Variants in PCDHGB5 observed in about 807,000 individuals in gnomAD.
PCDHGB5 encodes the protein protocadherin gamma subfamily B, 5.
Under a neutral mutation model 62.9 loss-of-function variants are expected in PCDHGB5, and 48 were observed. That is an observed-to-expected ratio of 0.76 (90% CI 0.61 to 0.97). PCDHGB5 has a LOEUF of 0.97. Ranked by LOEUF, PCDHGB5 falls within the 50% of genes least tolerant of loss-of-function variation. The pLI, the probability that PCDHGB5 is intolerant of heterozygous loss-of-function variation, is 0.00. For synonymous variants in PCDHGB5, 474 were observed against 511.2 expected (o/e 0.93, Z 0.98); for missense variants, 1,118 against 1,198.6 (o/e 0.93, Z 0.99).
intron 1 of PCDHGB5, chr5:141,404,062 T>G: frequency 6.2e-7 from 1 of 1,613,906 alleles, no homozygotes; most frequent in African/African-American, 1.3e-5. Flanking sequence ...TTCTTTTCAA[T>G]GCTCATGACC....
rs937697147 is a variant in PCDHGB5 at position 141,399,434 on chromosome 5, T to C, written c.1307T>C (p.Leu436Pro). The part of the protein sequence containing the change: ...PPLSSSISVI[L>P]HIRDVNDNAP... ...CTCTCCTCCAGCATAAGCGTCATCC[T>C]ACATATCAGAGACGTCAACGATAAC... Residue 436 changes from leucine (L) to proline (P), a missense_variant, in exon 1 of 4, where the codon CTA becomes CCA. Physicochemically the swap from Leu to Pro is moderately conservative, Grantham distance 98. This residue lies in a region of PCDHGB5 where 1,034 missense variants were observed against 1,029.1 expected (regional missense o/e 1.00). Coordinates refer to ENST00000617380, the MANE Select transcript of PCDHGB5 (RefSeq NM_018925.3). 1 of 1,614,008 alleles carries C rather than the reference T, an allele frequency of 6.2e-7. No homozygotes were observed.
chr5:141,417,910 A>G (rs1339671115), intron 1 of PCDHGB5: 2 of 1,599,246 alleles, frequency 1.3e-6, no homozygotes, highest in East Asian at 2.3e-5. Flanking sequence ...GGCAGGTACT[A>G]TTTCCTTTGC....
At chr5:141,421,523 C>G in intron 1 of PCDHGB5, 1 of 1,614,034 alleles carries the variant, frequency 6.2e-7, no homozygotes, top group Non-Finnish European at 8.5e-7. Context: ...CTCTGTGAGA[C>G]GGTGTCCTCC....
At chr5:141,419,114 A>G in intron 1 of PCDHGB5, 1 of 1,613,926 alleles carries the variant, frequency 6.2e-7, no homozygotes. Flanking sequence ...CCCAGAGTAC[A>G]ACGTCACCAT....
chr5:141,428,293 C>T, intron 1 of PCDHGB5: 1 of 716,436 alleles, frequency 1.4e-6, no homozygotes, highest in South Asian at 1.6e-5. Context: ...AGCAAAGCTG[C>T]AGATTTACCT....
intron 1 of PCDHGB5, chr5:141,419,788 A>G (rs750179874): frequency 6.2e-7 from 1 of 1,614,054 alleles, no homozygotes; most frequent in Non-Finnish European, 8.5e-7. Context: ...AGCGCCTGCT[A>G]GTCGCTGTAA....
chr5:141,485,762 G>A lies in PCDHGB5; in HGVS notation c.2398-9045G>A, dbSNP rs774145313. 3.1e-6 allele frequency: 5 copies of A among 1,614,226 alleles called. No homozygotes were observed. The highest frequency in any genetic ancestry group is 3.3e-5 in the Admixed American group (2 of 60,030). ...CAGCCTGGTCCCAGAGCTGCTCCTG[G>A]AGAAGCCTTTGGATCGAGAGAAGCA... On this transcript the variant is annotated intron_variant, in intron 1 of 3. Transcript: ENST00000617380. The surrounding 1 kb of genome is among the most constrained non-coding windows in gnomAD (Gnocchi z 5.7).
rs777325229 is a variant in PCDHGB5, at chr5:141,403,135, G to A, written c.2397+2611G>A. On this transcript the variant is annotated intron_variant, in intron 1 of 3. Transcript: ENST00000617380. ...CTCTGGAGCCCCGGGAGCTGGCGGA[G>A]CGCCGAGTCCGCATCGTCTCTAGAG... 8 of 1,613,948 alleles carry A rather than the reference G, an allele frequency of 5.0e-6. No homozygotes were observed. The African/African-American group carries it at 8.0e-5, about 16-fold the overall frequency.
intron 1 of PCDHGB5, among the ~76,000 whole-genome samples, chr5:141,470,014 A>G (rs1394478856): frequency 6.6e-6 from 1 of 152,200 alleles, no homozygotes; most frequent in Non-Finnish European, 1.5e-5. Flanking sequence ...CTGTAATCCC[A>G]GCTACTCGGG....
chr5:141,462,388 C>T (rs529638718), intron 1 of PCDHGB5, among the ~76,000 whole-genome samples: 86 of 152,204 alleles, frequency 5.7e-4, no homozygotes, highest in Non-Finnish European at 9.4e-4. Context: ...AATTCGTTAA[C>T]ATTTCTTTTA....
chr5:141,446,253 A>T (rs1452074783), intron 1 of PCDHGB5, among the ~76,000 whole-genome samples: 3 of 152,164 alleles, frequency 2.0e-5, no homozygotes, highest in African/African-American at 7.2e-5. Context: ...CTTCAGTGAA[A>T]TATTATTAAC....
intron 3 of PCDHGB5, among the ~76,000 whole-genome samples, chr5:141,509,419 T>C (rs2154594533): frequency 6.6e-6 from 1 of 152,216 alleles, no homozygotes; most frequent in South Asian, 2.1e-4. Flanking sequence ...CGAGCCCCAA[T>C]GAGTCAAACT....
rs773944794 is a variant in PCDHGB5 at position 141,477,003 on chromosome 5, C to T, written c.2398-17804C>T. 1.2e-6 allele frequency: 2 copies of T among 1,614,214 alleles called. No homozygotes were observed. The highest frequency in any genetic ancestry group is 8.5e-7 in the Non-Finnish European group (1 of 1,180,040). On this transcript the variant is annotated intron_variant, in intron 1 of 3. Transcript: ENST00000617380. This position sits in a 1 kb window ranked among gnomAD's most constrained non-coding sequence, Gnocchi z 4.9. ...CGCGCCGGCGTGCGGCAACTATTCG[C>T]CTTAGACCTTGTAACCGGGATGCTG...
intron 1 of PCDHGB5, among the ~76,000 whole-genome samples, chr5:141,467,955 G>A (rs1049980375): frequency 2.0e-5 from 3 of 151,666 alleles, no homozygotes; most frequent in Non-Finnish European, 2.9e-5. Context: ...CACCACACCC[G>A]GCTGCCAGAA....
At chr5:141,441,984 A>G (rs1202392318) in intron 1 of PCDHGB5, 4 of 275,400 alleles carry the variant, frequency 1.5e-5, no homozygotes, top group South Asian at 7.2e-5. Flanking sequence ...TGGAATGCGC[A>G]CCGACGAGGT....
chr5:141,499,888 A>G (rs574246186), intron 2 of PCDHGB5, among the ~76,000 whole-genome samples: 105 of 152,174 alleles, frequency 6.9e-4, no homozygotes, highest in African/African-American at 2.4e-3. Flanking sequence ...GGGTTTCGCC[A>G]TGTTGGCCAG....
intron 2 of PCDHGB5, among the ~76,000 whole-genome samples, chr5:141,500,906 G>C (rs1333707004): frequency 6.7e-6 from 1 of 149,672 alleles, no homozygotes; most frequent in African/African-American, 2.5e-5. Flanking sequence ...GTCTCGCTCT[G>C]TCTCCAGGCT....
At position 141,398,009 on chromosome 5, in the gene PCDHGB5, C is replaced by G. The variant is rs1589315775; in HGVS notation, c.-119C>G. ...ACCGCTTCCTCCTCGGAAAAAGAAT[C>G]GTTTCCTAAACTGGAACTGGAACTA... On this transcript the variant is annotated 5_prime_UTR_variant, in exon 1 of 4. The change creates a new upstream start codon in the 5' untranslated region. Coordinates refer to ENST00000617380, the MANE Select transcript of PCDHGB5 (RefSeq NM_018925.3). 1 of 1,400,564 alleles carries G rather than the reference C, an allele frequency of 7.1e-7. No homozygotes were observed. The highest frequency in any genetic ancestry group is 9.5e-7 in the Non-Finnish European group (1 of 1,049,732). 86.8% of individuals were successfully genotyped at this position (1,400,564 alleles called of 1,614,324 possible).
Position 141,489,629 on chromosome 5 carries a change from C to T in PCDHGB5, c.2398-5178C>T. Reference sequence around the variant, plus strand: ...GAGATCCTGGATCTCAATGACAACTCTCCTAGCTTTGCCACCCCTGAGCGA... The same window carrying T: ...GAGATCCTGGATCTCAATGACAACTTTCCTAGCTTTGCCACCCCTGAGCGA... On this transcript the variant is annotated intron_variant, in intron 1 of 3. Transcript: ENST00000617380. This position sits in a 1 kb window ranked among gnomAD's most constrained non-coding sequence, Gnocchi z 4.5. 6.2e-7 allele frequency: 1 copy of T among 1,614,142 alleles called. No homozygotes were observed. The highest frequency in any genetic ancestry group is 1.7e-5 in the Admixed American group (1 of 60,032).
Sources: allele counts gnomAD v4.1 joint callset (sites outside exome capture counted in the v4.1 genomes callset), GRCh38; gene constraint gnomAD v4.1.1; regional missense constraint gnomAD v4.1.1; non-coding constraint Gnocchi (gnomAD v3.1); transcripts MANE v1.5; gene names NCBI Gene and HGNC (gene_info 2026-07-23, HGNC 2026-07-21).